WWOX: variants seen among roughly 807,000 people sequenced by gnomAD.
WWOX encodes WW domain containing oxidoreductase.
A neutral mutation model predicts 46.2 loss-of-function variants in WWOX; 69 were observed. The observed-to-expected ratio is 1.49, with a 90% confidence interval of 1.23 to 1.82. WWOX has a LOEUF of 1.82. Ranked by LOEUF, WWOX falls within the 40% of genes most tolerant of loss-of-function variation. WWOX has a pLI of 0.00. For synonymous variants in WWOX, 359 were observed against 202.6 expected (o/e 1.77, Z -6.56); for missense variants, 919 against 542.6 (o/e 1.69, Z -6.89).
intron 8 of WWOX, among the ~76,000 whole-genome samples, chr16:78,731,024 G>A (rs534526423): frequency 8.5e-4 from 130 of 152,218 alleles, no homozygotes; most frequent in Admixed American, 8.1e-3. Flanking sequence ...TGATGTTACC[G>A]TACTATCCAA....
intron 8 of WWOX, among the ~76,000 whole-genome samples, chr16:78,745,358 C>T (rs1177580731): frequency 6.6e-6 from 1 of 152,168 alleles, no homozygotes; most frequent in East Asian, 1.9e-4. Context: ...GCCATGAGTA[C>T]TTAGCTTTGA....
chr16:78,417,743 C>G (rs550399895), intron 6 of WWOX, among the ~76,000 whole-genome samples: 1 of 152,202 alleles, frequency 6.6e-6, no homozygotes, highest in Non-Finnish European at 1.5e-5. Flanking sequence ...CAGGTAGGCT[C>G]GGTGCTTCAA....
intron 8 of WWOX, among the ~76,000 whole-genome samples, chr16:78,562,089 C>T (rs925797688): frequency 6.6e-6 from 1 of 152,148 alleles, no homozygotes; most frequent in Non-Finnish European, 1.5e-5. Context: ...CATCACTTCC[C>T]CTGCCCTTTT....
At chr16:78,252,746 G>A (rs1367927032) in intron 5 of WWOX, among the ~76,000 whole-genome samples, 2 of 152,090 alleles carry the variant, frequency 1.3e-5, no homozygotes, top group Non-Finnish European at 2.9e-5. Context: ...TATTTACAGT[G>A]ACAAGCTTTG....
intron 2 of WWOX, 33 bp from the exon 3 acceptor site, chr16:78,109,745 G>A: frequency 6.2e-7 from 1 of 1,613,342 alleles, no homozygotes; most frequent in Non-Finnish European, 8.5e-7. Context: ...ACTTCTCCCT[G>A]GCACCTGTAG....
intron 8 of WWOX, among the ~76,000 whole-genome samples, chr16:78,885,541 T>A (rs968400567): frequency 6.6e-6 from 1 of 152,192 alleles, no homozygotes; most frequent in African/African-American, 2.4e-5. Flanking sequence ...ATGGGCAGAT[T>A]GTGAGAAATG....
chr16:78,796,559 AT>A (rs1298811919), intron 8 of WWOX, among the ~76,000 whole-genome samples: 3 of 152,210 alleles, frequency 2.0e-5, no homozygotes, highest in African/African-American at 7.2e-5. Flanking sequence ...CTTGCTTTCT[AT>A]TGTAGATTGC....
intron 8 of WWOX, among the ~76,000 whole-genome samples, chr16:78,820,662 C>G (rs1174781394): frequency 2.0e-5 from 3 of 152,238 alleles, no homozygotes; most frequent in Middle Eastern, 6.8e-3. Context: ...ATTTTAATAC[C>G]AACCATGCCA....
intron 8 of WWOX, among the ~76,000 whole-genome samples, chr16:79,152,978 G>A (rs2050310626): frequency 6.6e-6 from 1 of 152,140 alleles, no homozygotes. Context: ...AGGGAAGCTT[G>A]CTGGGGGAAA....
At chr16:78,151,628 A>G (rs1293959456) in intron 4 of WWOX, among the ~76,000 whole-genome samples, 1 of 151,732 alleles carries the variant, frequency 6.6e-6, no homozygotes, top group Non-Finnish European at 1.5e-5. Context: ...TTTTTTTCTC[A>G]CTTGCCTTGA....
rs116263955 is a variant in WWOX at position 78,143,727 on chromosome 16, C to T, written c.410-20456C>T. On this transcript the variant is annotated intron_variant, in intron 4 of 8. Coordinates refer to ENST00000566780, the MANE Select transcript of WWOX (RefSeq NM_016373.4). ...TTTCAGAATTATTAAGAAAACAAAG[C>T]TCATTCCTCTAAAAGAATTGGTATG... Among the ~76,000 whole-genome samples the T allele has an allele frequency of 8.6e-3, 1,262 of 147,494 alleles. 15 individuals are homozygous for T. The highest frequency in any genetic ancestry group is 0.03 in the African/African-American group (1,195 of 40,214).
intron 8 of WWOX, among the ~76,000 whole-genome samples, chr16:78,847,118 T>C (rs1174750852): frequency 3.3e-5 from 5 of 152,346 alleles, no homozygotes; most frequent in African/African-American, 1.2e-4. Flanking sequence ...TGGACTTCCC[T>C]GCCTCAGTCT....
intron 8 of WWOX, among the ~76,000 whole-genome samples, chr16:78,578,037 G>C (rs1412559602): frequency 2.0e-5 from 3 of 151,672 alleles, no homozygotes; most frequent in Admixed American, 1.3e-4. Context: ...CATTGTTCTT[G>C]TATAAACTTT....
chr16:78,690,259 A>C (rs960152171), intron 8 of WWOX, among the ~76,000 whole-genome samples: 1 of 152,068 alleles, frequency 6.6e-6, no homozygotes, highest in Non-Finnish European at 1.5e-5. Flanking sequence ...ACACATAAAT[A>C]ATGTTTGTTG....
chr16:79,059,222 A>G (rs1446386542), intron 8 of WWOX, among the ~76,000 whole-genome samples: 3 of 152,232 alleles, frequency 2.0e-5, no homozygotes, highest in Non-Finnish European at 2.9e-5. Flanking sequence ...ATATGCTATT[A>G]CAGTTTGTTG....
At chr16:79,104,058 T>TG (rs2049259343) in intron 8 of WWOX, among the ~76,000 whole-genome samples, 1 of 22,414 alleles carries the variant, frequency 4.5e-5, no homozygotes, top group Non-Finnish European at 9.7e-5. Context: ...GGGCGGGTGG[T>TG]GGGGGTACTT....
chr16:79,069,165 G>A (rs1040808856), intron 8 of WWOX, among the ~76,000 whole-genome samples: 1 of 152,198 alleles, frequency 6.6e-6, no homozygotes, highest in African/African-American at 2.4e-5. Context: ...CTTGGCGAAG[G>A]TAAATGCACC....
At chr16:78,873,567 A>C (rs2044172249) in intron 8 of WWOX, 1 of 152,046 alleles carries the variant, frequency 6.6e-6, no homozygotes, top group Admixed American at 6.6e-5. Flanking sequence ...TGGGAGGATT[A>C]ATTGGGGCTA....
At chr16:78,446,252 CT>C (rs1407151003) in intron 8 of WWOX, among the ~76,000 whole-genome samples, 1 of 152,194 alleles carries the variant, frequency 6.6e-6, no homozygotes, top group Non-Finnish European at 1.5e-5. Context: ...CTGTGACGCT[CT>C]TTTCAAGTCT....
Sources: allele counts gnomAD v4.1 joint callset (sites outside exome capture counted in the v4.1 genomes callset), GRCh38; gene constraint gnomAD v4.1.1; transcripts MANE v1.5; gene names NCBI Gene and HGNC (gene_info 2026-07-23, HGNC 2026-07-21).